Variants in DDX17 observed in about 807,000 individuals in gnomAD.
DDX17 encodes the protein probable ATP-dependent RNA helicase DDX17.
DDX17 carries 10 observed loss-of-function variants against 80.8 expected under a neutral mutation model. That is an observed-to-expected ratio of 0.12 (90% CI 0.08 to 0.21). The LOEUF (loss-of-function observed/expected upper bound fraction) is 0.21, where lower values mean the gene tolerates loss of function less well. DDX17 is among the 10% of genes least tolerant of loss of function. The probability of loss-of-function intolerance (pLI) is 1.00; values close to 1 mark genes in which losing one functional copy is unlikely to be tolerated. For synonymous variants in DDX17, 339 were observed against 336.2 expected (o/e 1.01, Z -0.09); for missense variants, 586 against 957.4 (o/e 0.61, Z 5.12).
intron 3 of DDX17, 117 bp from the exon 4 acceptor site, chr22:38,498,690 G>A (rs1296077632): frequency 8.6e-7 from 1 of 1,160,562 alleles, no homozygotes; most frequent in Non-Finnish European, 1.2e-6. Context: ...TCTCTCCAAA[G>A]TGCTTTTTCT....
At chr22:38,501,487 CTACAA>C (rs2089830112) in intron 1 of DDX17, among the ~76,000 whole-genome samples, 1 of 152,092 alleles carries the variant, frequency 6.6e-6, no homozygotes, top group African/African-American at 2.4e-5. Flanking sequence ...ATGAATATAG[CTACAA>C]TAGGCAAAAA....
Position 38,498,526 on chromosome 22 carries a change from G to T in DDX17, c.586C>A (p.Pro196Thr). The T allele has an allele frequency of 6.2e-7, 1 of 1,614,142 alleles. No individual in the cohort carries two copies. The highest frequency in any genetic ancestry group is 8.5e-7 in the Non-Finnish European group (1 of 1,180,024). Residue 196 changes from proline to threonine, a missense_variant, in exon 4 of 13, where the codon CCA becomes ACA. By Grantham distance (38) the Pro-to-Thr change is conservative. Around this residue, in one of 4 missense-constraint regions of DDX17, gnomAD observed 141 missense variants for 379.3 expected, o/e 0.37. Coordinates refer to ENST00000403230, the MANE Select transcript of DDX17 (RefSeq NM_006386.5). ...AACGGAAATCCCTGGCACTGAATTG[G>T]AGTTGGTTCTGTAAAGTGCTGATCC...
intron 6 of DDX17, 133 bp downstream of exon 6, chr22:38,495,663 G>A (rs1039278689): frequency 1.3e-5 from 9 of 684,172 alleles, no homozygotes; most frequent in East Asian, 2.9e-5. Context: ...AGCTGTTTTA[G>A]TCACATCTGA....
In DDX17 at chr22:38,489,172, AAC is replaced by A; in HGVS notation, c.1448-1059_1448-1058del. ...AATATTCAGAAAATATCCTAGATAA[AAC>A]ACAGATTTTTGTGATATAAATAATT... On this transcript the variant is annotated intron_variant, in intron 11 of 12. Coordinates refer to ENST00000403230, the MANE Select transcript of DDX17 (RefSeq NM_006386.5). The surrounding 1 kb of genome is among the most constrained non-coding windows in gnomAD (Gnocchi z 4.6). 1.0e-6 allele frequency: 1 copy of A among 985,352 alleles called. No homozygotes were observed. Among genetic ancestry groups the A allele is most frequent in the Non-Finnish European group, 1.2e-6 (1 of 829,646 alleles). 61.0% of individuals were successfully genotyped at this position (985,352 alleles called of 1,614,324 possible). A position where few individuals can be genotyped will look rare whatever the true frequency, so the allele number is the denominator to read the frequency against.
chr22:38,499,274 C>A, intron 3 of DDX17, 126 bp downstream of exon 3: 2 of 709,470 alleles, frequency 2.8e-6, no homozygotes, highest in Admixed American at 2.5e-5. Flanking sequence ...GAACTGATGA[C>A]CATAAAAACA....
intron 5 of DDX17, 28 bp downstream of exon 5, chr22:38,498,057 A>G (rs752003420): frequency 8.1e-6 from 13 of 1,605,082 alleles, no homozygotes; most frequent in Middle Eastern, 3.3e-4. Context: ...TTTTTCTTAG[A>G]ATTACAAAGA....
intron 1 of DDX17, among the ~76,000 whole-genome samples, chr22:38,501,884 G>C (rs1308405205): frequency 6.6e-6 from 1 of 152,206 alleles, no homozygotes; most frequent in East Asian, 1.9e-4. Flanking sequence ...CTATTTTTGT[G>C]TAACAGACAT....
chr22:38,502,829 CT>C (rs2089843898), intron 1 of DDX17, among the ~76,000 whole-genome samples: 1 of 152,120 alleles, frequency 6.6e-6, no homozygotes, highest in South Asian at 2.1e-4. Flanking sequence ...ATTTAGTTCC[CT>C]TTTCCCACTC....
chr22:38,489,452 G>T lies in DDX17; in HGVS notation c.1448-1337C>A. The T allele has an allele frequency of 1.0e-6, 1 of 985,684 alleles. No homozygotes were observed. Among genetic ancestry groups the T allele is most frequent in the Non-Finnish European group, 1.2e-6 (1 of 829,920 alleles). 61.1% of individuals were successfully genotyped at this position (985,684 alleles called of 1,614,324 possible). A position where few individuals can be genotyped will look rare whatever the true frequency, so the allele number is the denominator to read the frequency against. ...TAGCCCCATTTGGTTGCCAAGCGCC[G>T]GAGAACCTGGGTTCGGGTAAAAATT... On this transcript the variant is annotated intron_variant, in intron 11 of 12. Coordinates refer to ENST00000403230, the MANE Select transcript of DDX17 (RefSeq NM_006386.5). The surrounding 1 kb of genome is among the most constrained non-coding windows in gnomAD (Gnocchi z 4.6).
intron 1 of DDX17, 180 bp downstream of exon 1, chr22:38,505,771 C>T: frequency 1.3e-6 from 1 of 749,710 alleles, no homozygotes. Flanking sequence ...CCGCCCTCCT[C>T]GGGTCCCGAG....
At chr22:38,501,723 G>A (rs1195680865) in intron 1 of DDX17, among the ~76,000 whole-genome samples, 2 of 152,204 alleles carry the variant, frequency 1.3e-5, no homozygotes, top group African/African-American at 4.8e-5. Context: ...TACTATAAAA[G>A]TATCTGGCAT....
intron 2 of DDX17, 129 bp from the exon 3 acceptor site, chr22:38,499,628 C>T: frequency 1.4e-6 from 1 of 694,940 alleles, no homozygotes; most frequent in East Asian, 2.6e-5. Flanking sequence ...TTACATGGTA[C>T]TTTCATGTGT....
intron 3 of DDX17, among the ~76,000 whole-genome samples, chr22:38,498,939 G>A (rs116524968): frequency 1.2e-3 from 176 of 152,280 alleles, no homozygotes; most frequent in African/African-American, 4.0e-3. Context: ...ATGAACCCAG[G>A]AGGCAGAGGA....
In DDX17 at chr22:38,485,083, A is replaced by C. The variant is rs2089641358; in HGVS notation, c.*852T>G. The C allele has an allele frequency of 6.6e-6, 1 of 152,244 alleles. No individual in the cohort carries two copies. Among genetic ancestry groups the C allele is most frequent in the Non-Finnish European group, 1.5e-5 (1 of 68,042 alleles). 9.4% of individuals were successfully genotyped at this position (152,244 alleles called of 1,614,324 possible). A position where few individuals can be genotyped will look rare whatever the true frequency, so the allele number is the denominator to read the frequency against. On this transcript the variant is annotated 3_prime_UTR_variant, in exon 13 of 13. Coordinates refer to ENST00000403230, the MANE Select transcript of DDX17 (RefSeq NM_006386.5). ...AAATTTCCAGCGAGCATTTATGTTC[A>C]TTTGCTCACAGCAGCTGTCTGGATG...
rs145553449 is a variant in DDX17 at position 38,498,446 on chromosome 22, C to T, written c.666G>A (p.Thr222=). The T allele has an allele frequency of 8.1e-6, 13 of 1,614,028 alleles. No homozygotes were observed. The highest frequency in any genetic ancestry group is 2.2e-5 in the South Asian group (2 of 91,092). Residue 222 remains threonine, a synonymous_variant, in exon 4 of 13, where the codon ACG becomes ACA. Transcript: ENST00000403230. ...TTCTCTTGCTCATACATACCGCCAACGTCTTCCCAGAGCCAGTCTGAGCAA... is the reference window on the plus strand; with the variant it reads ...TTCTCTTGCTCATACATACCGCCAATGTCTTCCCAGAGCCAGTCTGAGCAA...
chr22:38,496,204 A>G (rs1408994569), intron 5 of DDX17, among the ~76,000 whole-genome samples: 1 of 152,110 alleles, frequency 6.6e-6, no homozygotes, highest in Non-Finnish European at 1.5e-5. Flanking sequence ...TATAGTTTAT[A>G]TATACTGTTT....
rs1049463817 is a variant in DDX17 at position 38,498,420 on chromosome 22, C to T, written c.672+20G>A. On this transcript the variant is annotated intron_variant, in intron 4 of 12. Coordinates refer to ENST00000403230, the MANE Select transcript of DDX17 (RefSeq NM_006386.5). ...AATAAGTTACCACAATATCAAGGAT[C>T]TTCTCTTGCTCATACATACCGCCAA... is the stretch of plus-strand genomic sequence containing the variant. 4 of 1,613,346 alleles carry T rather than the reference C, an allele frequency of 2.5e-6. No individual in the cohort carries two copies. The African/African-American group carries it at 5.3e-5, about 22-fold the overall frequency.
chr22:38,494,467 A>G (rs896606695), intron 8 of DDX17, 163 bp downstream of exon 8: 1 of 702,054 alleles, frequency 1.4e-6, no homozygotes, highest in East Asian at 2.7e-5. Flanking sequence ...GCATTTAACC[A>G]TAATGCTCTG....
rs751158472 is a variant in DDX17, at chr22:38,498,966, C to T, written c.539-393G>A. The stretch of plus-strand genomic sequence containing the variant: ...GGCAGAGGAGGTAGTGAGCTGAGAT[C>T]GCGCCACTGCACTTCAGCCTGGGTG... On this transcript the variant is annotated intron_variant, in intron 3 of 12. Transcript: ENST00000403230. Among the ~76,000 whole-genome samples, 7 of 152,246 alleles carry T rather than the reference C, an allele frequency of 4.6e-5. No homozygotes were observed. In the South Asian group the frequency reaches 6.2e-4, roughly 14 times the overall value.
Sources: allele counts gnomAD v4.1 joint callset (sites outside exome capture counted in the v4.1 genomes callset), GRCh38; gene constraint gnomAD v4.1.1; regional missense constraint gnomAD v4.1.1; non-coding constraint Gnocchi (gnomAD v3.1); transcripts MANE v1.5; gene names NCBI Gene and HGNC (gene_info 2026-07-23, HGNC 2026-07-21).